The following PNPT1 variants were observed in gnomAD, a reference collection of about 807,000 sequenced individuals.
PNPT1 encodes polyribonucleotide nucleotidyltransferase 1, mitochondrial.
A neutral mutation model predicts 119.5 loss-of-function variants in PNPT1; 53 were observed. The observed-to-expected ratio is 0.44, with a 90% confidence interval of 0.36 to 0.56. The LOEUF is 0.56. Among genes scored for constraint, PNPT1 ranks in the 20% least tolerant of loss-of-function variants. The pLI is 0.00. For synonymous variants in PNPT1, 357 were observed against 322.1 expected (o/e 1.11, Z -1.16); for missense variants, 948 against 938.5 (o/e 1.01, Z -0.13).
At chr2:55,663,290 G>A (rs1471374485) in intron 13 of PNPT1, among the ~76,000 whole-genome samples, 1 of 152,198 alleles carries the variant, frequency 6.6e-6, no homozygotes, top group African/African-American at 2.4e-5. Flanking sequence ...GAGGGGAGAT[G>A]GCAAGAGTCA....
At chr2:55,648,879 T>C (rs1267847034) in intron 18 of PNPT1, among the ~76,000 whole-genome samples, 1 of 152,244 alleles carries the variant, frequency 6.6e-6, no homozygotes, top group African/African-American at 2.4e-5. Flanking sequence ...CTCCAAGATT[T>C]TGATAAAACC....
At chr2:55,662,510 A>G (rs1696609402) in intron 13 of PNPT1, among the ~76,000 whole-genome samples, 1 of 152,090 alleles carries the variant, frequency 6.6e-6, no homozygotes, top group Non-Finnish European at 1.5e-5. Context: ...CCCTGTCTCT[A>G]CTAAAAATAC....
intron 17 of PNPT1, 61 bp downstream of exon 17, chr2:55,656,070 T>A: frequency 6.5e-7 from 1 of 1,547,312 alleles, no homozygotes; most frequent in Non-Finnish European, 8.7e-7. Context: ...ATTTGAAAAC[T>A]TAATAATAGA....
intron 12 of PNPT1, among the ~76,000 whole-genome samples, 188 bp downstream of exon 12, chr2:55,667,674 C>G (rs993603199): frequency 3.3e-5 from 5 of 151,984 alleles, no homozygotes; most frequent in Non-Finnish European, 5.9e-5. Flanking sequence ...CTTTATACAC[C>G]AGGCCCAAGA....
chr2:55,639,902 G>A (rs1695786878), intron 26 of PNPT1, among the ~76,000 whole-genome samples: 1 of 152,012 alleles, frequency 6.6e-6, no homozygotes, highest in South Asian at 2.1e-4. Flanking sequence ...AGCACATTTA[G>A]CTCTTTGATC....
rs919176815 is a variant in PNPT1, at chr2:55,636,119, T to C, written c.*118A>G. On this transcript the variant is annotated 3_prime_UTR_variant, in exon 28 of 28. Transcript: ENST00000447944. Reference sequence around the variant, plus strand: ...TAAATGAGCATTTTAGTACAAATAATTAAAATGTATTTATATTATATAGAA... The same window carrying C: ...TAAATGAGCATTTTAGTACAAATAACTAAAATGTATTTATATTATATAGAA... 7.9e-6 allele frequency: 5 copies of C among 628,994 alleles called. No homozygotes were observed. The highest frequency in any genetic ancestry group is 8.1e-5 in the Admixed American group (2 of 24,670). 39.0% of individuals were successfully genotyped at this position (628,994 alleles called of 1,614,324 possible). A position where few individuals can be genotyped will look rare whatever the true frequency, so the allele number is the denominator to read the frequency against.
intron 1 of PNPT1, among the ~76,000 whole-genome samples, chr2:55,691,709 T>C (rs773011399): frequency 6.6e-6 from 1 of 151,934 alleles, no homozygotes; most frequent in Admixed American, 6.6e-5. Context: ...CCTTGAAGAA[T>C]GGAAGAGATG....
chr2:55,650,289 C>T (rs528771058), intron 18 of PNPT1, among the ~76,000 whole-genome samples: 2 of 152,278 alleles, frequency 1.3e-5, no homozygotes, highest in African/African-American at 2.4e-5. Flanking sequence ...ATTGCAGGCG[C>T]GCGCCGCCAC....
chr2:55,671,238 A>G, intron 11 of PNPT1, 81 bp downstream of exon 11: 2 of 678,492 alleles, frequency 2.9e-6, no homozygotes, highest in Non-Finnish European at 4.6e-6. Context: ...TTGACCTTTA[A>G]TCCCAAGAAG....
chr2:55,664,504 T>A (rs1168215180), intron 13 of PNPT1, among the ~76,000 whole-genome samples: 1 of 152,134 alleles, frequency 6.6e-6, no homozygotes, highest in African/African-American at 2.4e-5. Flanking sequence ...GTTATTTCTA[T>A]AGTAATCACT....
At chr2:55,680,688 T>A (rs758018151) in intron 7 of PNPT1, 24 bp downstream of exon 7, 1 of 1,601,184 alleles carries the variant, frequency 6.2e-7, no homozygotes, top group African/African-American at 1.3e-5. Flanking sequence ...ACATATGATT[T>A]CTTACTTTTA....
At chr2:55,641,812 C>T (rs894563885) in intron 25 of PNPT1, among the ~76,000 whole-genome samples, 1 of 149,774 alleles carries the variant, frequency 6.7e-6, no homozygotes, top group African/African-American at 2.4e-5. Context: ...GCTCTTCTAG[C>T]TGGTCAAAAA....
At chr2:55,691,871 TATA>T (rs1314494162) in intron 1 of PNPT1, among the ~76,000 whole-genome samples, 1,159 of 17,852 alleles carry the variant, frequency 0.065, 20 homozygotes, top group Non-Finnish European at 0.088. Flanking sequence ...TATATATATA[TATA>T]TATATTTTTT....
Position 55,656,374 on chromosome 2 carries a change from TA to T in PNPT1, c.1285-4del, listed in dbSNP as rs745754666. 49,610 of 1,095,066 alleles carry T rather than the reference TA, an allele frequency of 0.045. No homozygotes were observed. The highest frequency in any genetic ancestry group is 0.071 in the South Asian group (4,098 of 57,974). 67.8% of individuals were successfully genotyped at this position (1,095,066 alleles called of 1,614,324 possible). A position where few individuals can be genotyped will look rare whatever the true frequency, so the allele number is the denominator to read the frequency against. ...TCATTAGTTGCATAAGGAGGAAACT[TA>T]AAAAAAAAAAAACACAAACACACAT... On this transcript the variant is annotated splice_region_variant and splice_polypyrimidine_tract_variant and intron_variant, in intron 15 of 27. Transcript: ENST00000447944.
At chr2:55,660,528 A>G (rs1377204816) in intron 14 of PNPT1, among the ~76,000 whole-genome samples, 2 of 152,230 alleles carry the variant, frequency 1.3e-5, no homozygotes, top group African/African-American at 4.8e-5. Context: ...CGTTAGTTAA[A>G]TCTCAGAGCT....
chr2:55,664,483 G>A (rs536129356), intron 13 of PNPT1, among the ~76,000 whole-genome samples: 1 of 152,006 alleles, frequency 6.6e-6, no homozygotes, highest in Admixed American at 6.6e-5. Context: ...GAGAAGTTAT[G>A]GATGTATACT....
chr2:55,649,703 TCCC>T (rs1236493719), intron 18 of PNPT1, among the ~76,000 whole-genome samples: 2 of 152,200 alleles, frequency 1.3e-5, no homozygotes, highest in Non-Finnish European at 2.9e-5. Context: ...TCCTTCAAGT[TCCC>T]CATTGCCTAC....
At position 55,647,891 on chromosome 2, in the gene PNPT1, C is replaced by A. The variant is rs1261581616; in HGVS notation, c.1496-438G>T. ...CAATCACCGAAGCTGAGTTGGAAGT[C>A]TTAAGAGGTCATCTGACTACTTCGT... On this transcript the variant is annotated intron_variant, in intron 18 of 27. Coordinates refer to ENST00000447944, the MANE Select transcript of PNPT1 (RefSeq NM_033109.5). Among the ~76,000 whole-genome samples the A allele has an allele frequency of 4.6e-5, 7 of 152,294 alleles. No individual in the cohort carries two copies. The South Asian group carries it at 1.2e-3, about 27-fold the overall frequency.
intron 7 of PNPT1, among the ~76,000 whole-genome samples, chr2:55,680,328 C>G (rs782620): frequency 0.94 from 142,224 of 152,064 alleles, 67,088 homozygotes; most frequent in African/African-American, 0.98. Context: ...TATTTACTCA[C>G]TGAGCCATTT....
Sources: gnomAD v4.1 joint callset for allele counts (sites outside exome capture counted in the v4.1 genomes callset) on GRCh38, gnomAD v4.1.1 for gene constraint, MANE v1.5 for transcripts, NCBI Gene and HGNC (gene_info 2026-07-23, HGNC 2026-07-21) for gene names.